STK3: variants seen among roughly 807,000 people sequenced by gnomAD.
STK3 encodes serine/threonine kinase 3, also known as serine/threonine-protein kinase 3.
STK3 carries 41 observed loss-of-function variants against 58.0 expected under a neutral mutation model. The observed-to-expected ratio is 0.71, with a 90% CI of 0.55 to 0.92. The LOEUF (loss-of-function observed/expected upper bound fraction) is 0.92, where lower values mean the gene tolerates loss of function less well. Among genes scored for constraint, STK3 ranks in the 40% least tolerant of loss-of-function variants. The pLI, the probability that STK3 is intolerant of heterozygous loss-of-function variation, is 0.00. For missense variants in STK3, 479 were observed against 602.7 expected (o/e 0.79, Z 2.15); for synonymous variants, 170 against 191.0 (o/e 0.89, Z 0.91).
intron 10 of STK3, among the ~76,000 whole-genome samples, chr8:98,501,442 C>T (rs1350607647): frequency 1.3e-5 from 2 of 152,126 alleles, no homozygotes; most frequent in Non-Finnish European, 2.9e-5. Context: ...GTTTTTGTTG[C>T]CATTGCTTTT....
intron 3 of STK3, among the ~76,000 whole-genome samples, chr8:98,425,772 G>A (rs1055955746): frequency 1.3e-5 from 2 of 152,198 alleles, no homozygotes; most frequent in Admixed American, 6.5e-5. Flanking sequence ...CAGCTGGGAC[G>A]GCATTGCCAG....
At position 98,789,693 on chromosome 8, in the gene STK3, G is replaced by A. The variant is rs186136037; in HGVS notation, c.27-14874C>T. Among the ~76,000 whole-genome samples the A allele has an allele frequency of 8.6e-3, 1,314 of 152,194 alleles. 10 individuals are homozygous for A. The highest frequency in any genetic ancestry group is 0.03 in the African/African-American group (1,237 of 41,524). On this transcript the variant is annotated intron_variant, in intron 1 of 10. Coordinates refer to ENST00000419617, the MANE Select transcript of STK3 (RefSeq NM_006281.4). Reference sequence around the variant, plus strand: ...ATTCCTGGAAAGATAAAACCTTCCTGGCTTAAATCAGGAAGAATTAGATAC... The same window carrying A: ...ATTCCTGGAAAGATAAAACCTTCCTAGCTTAAATCAGGAAGAATTAGATAC...
At chr8:98,651,624 A>C (rs1820940326) in intron 6 of STK3, 1 of 152,304 alleles carries the variant, frequency 6.6e-6, no homozygotes. Flanking sequence ...AACTAGAATA[A>C]CCAATATAGA....
intron 1 of STK3, among the ~76,000 whole-genome samples, chr8:98,775,588 G>A (rs1831627428): frequency 6.6e-6 from 1 of 152,174 alleles, no homozygotes; most frequent in African/African-American, 2.4e-5. Flanking sequence ...GACAGAAAAA[G>A]AGGAAGCATT....
chr8:98,738,704 G>C (rs528374312), intron 4 of STK3, among the ~76,000 whole-genome samples: 14 of 152,328 alleles, frequency 9.2e-5, no homozygotes, highest in African/African-American at 3.4e-4. Context: ...TGAGGTACCA[G>C]GTTCATCTCA....
chr8:98,705,417 G>GA (rs11389041), intron 6 of STK3, among the ~76,000 whole-genome samples: 6,595 of 107,236 alleles, frequency 0.061, 144 homozygotes, highest in South Asian at 0.1. Context: ...TATCTCAAAA[G>GA]AAAAAAAAAA....
chr8:98,504,112 C>G (rs1823851112), intron 10 of STK3, among the ~76,000 whole-genome samples: 1 of 152,186 alleles, frequency 6.6e-6, no homozygotes, highest in Admixed American at 6.5e-5. Flanking sequence ...GTTAGCTCTT[C>G]TTGTTGAATT....
intron 2 of STK3, among the ~76,000 whole-genome samples, chr8:98,377,659 C>A (rs7004877): frequency 0.19 from 29,127 of 152,012 alleles, 2,946 homozygotes; most frequent in East Asian, 0.33. Flanking sequence ...TAATTTGGGG[C>A]ACTTCCCTCT....
At chr8:98,344,133 C>T in the STK3 span, among the ~76,000 whole-genome samples, 3 of 152,136 alleles carry the variant, frequency 2.0e-5, no homozygotes, top group Non-Finnish European at 4.4e-5. Flanking sequence ...AGAGACTGGG[C>T]CATGTGGAAC....
intron 4 of STK3, among the ~76,000 whole-genome samples, chr8:98,739,409 C>T (rs1292221500): frequency 6.6e-6 from 1 of 151,744 alleles, no homozygotes; most frequent in South Asian, 2.1e-4. Context: ...TCCAGAGGAA[C>T]GATCAGACAG....
At chr8:98,628,053 A>G (rs1174983901) in intron 6 of STK3, among the ~76,000 whole-genome samples, 1 of 152,232 alleles carries the variant, frequency 6.6e-6, no homozygotes, top group Non-Finnish European at 1.5e-5. Context: ...ATGTAACCTA[A>G]TTCTCCTGTC....
At chr8:98,610,710 T>C (rs1817127517) in intron 6 of STK3, among the ~76,000 whole-genome samples, 1 of 152,160 alleles carries the variant, frequency 6.6e-6, no homozygotes, top group South Asian at 2.1e-4. Flanking sequence ...CAGAGCATGA[T>C]CTAGGAGGGA....
intron 9 of STK3, among the ~76,000 whole-genome samples, chr8:98,536,558 A>T (rs2131533584): frequency 6.6e-6 from 1 of 152,266 alleles, no homozygotes; most frequent in Middle Eastern, 3.4e-3. Flanking sequence ...CCTGGAATAC[A>T]GACTTGATGG....
chr8:98,927,029 G>A (rs561879076), intron 1 of STK3, among the ~76,000 whole-genome samples: 8 of 152,318 alleles, frequency 5.3e-5, no homozygotes. Context: ...CTAGCTCTAT[G>A]CAGAGCCAGG....
At chr8:98,582,326 A>C (rs898403275) in intron 7 of STK3, among the ~76,000 whole-genome samples, 1 of 151,968 alleles carries the variant, frequency 6.6e-6, no homozygotes, top group Non-Finnish European at 1.5e-5. Flanking sequence ...CTTGCCTGAC[A>C]TAAATATATA....
chr8:98,864,812 C>T (rs770082096), intron 3 of STK3, among the ~76,000 whole-genome samples: 4 of 152,226 alleles, frequency 2.6e-5, no homozygotes, highest in Non-Finnish European at 4.4e-5. Context: ...ACGGTAAACT[C>T]TGGCCTATTC....
chr8:98,613,625 A>C (rs1817382136), intron 6 of STK3, among the ~76,000 whole-genome samples: 1 of 152,062 alleles, frequency 6.6e-6, no homozygotes, highest in Non-Finnish European at 1.5e-5. Flanking sequence ...CTTAAAAAAA[A>C]TCAAGTAACC....
chr8:98,905,121 C>T (rs1327701170), intron 1 of STK3: 12 of 1,443,008 alleles, frequency 8.3e-6, no homozygotes, highest in African/African-American at 1.4e-5. Context: ...TGCCACACGA[C>T]CCGTACGATC....
intron 10 of STK3, among the ~76,000 whole-genome samples, chr8:98,477,702 C>CGGGGGGGGG (rs1286720911): frequency 4.4e-4 from 1 of 2,274 alleles, no homozygotes; most frequent in Non-Finnish European, 7.0e-4. Flanking sequence ...TCACACTTGG[C>CGGGGGGGGG]GGGGGGGGGG....
Sources: allele counts gnomAD v4.1 joint callset (sites outside exome capture counted in the v4.1 genomes callset), GRCh38; gene constraint gnomAD v4.1.1; transcripts MANE v1.5; gene names NCBI Gene and HGNC (gene_info 2026-07-23, HGNC 2026-07-21).